The following HSF5 variants were observed in gnomAD, a reference collection of about 807,000 sequenced individuals.
HSF5 encodes the protein heat shock transcription factor 5.
In HSF5, 5 loss-of-function variants were observed where a neutral mutation model predicts 50.8. That is an observed-to-expected ratio of 0.10 (90% confidence interval 0.05 to 0.21). The LOEUF (loss-of-function observed/expected upper bound fraction) is 0.21, where lower values mean the gene tolerates loss of function less well. Ranked by LOEUF, HSF5 falls within the 10% of genes least tolerant of loss-of-function variation. HSF5 has a pLI of 1.00. For missense variants in HSF5, 564 were observed against 762.6 expected (o/e 0.74, Z 3.07); for synonymous variants, 307 against 307.4 (o/e 1.00, Z 0.02).
In HSF5 at chr17:58,463,097, T is replaced by C; in HGVS notation, c.1227A>G (p.Gln409=). The change falls in exon 4 of 6, where the codon CAA becomes CAG. Residue 409 remains glutamine, a synonymous_variant. Transcript: ENST00000323777. ...QCPTSPSYRG[Q]HILANSNNSN... ...TGTTGTTAGAATTAGCTAAAATGTG[T>C]TGGCCTCTGTAAGACGGAGATGTTG... The C allele has an allele frequency of 6.2e-7, 1 of 1,614,228 alleles. No individual in the cohort carries two copies. The highest frequency in any genetic ancestry group is 8.5e-7 in the Non-Finnish European group (1 of 1,180,028).
At chr17:58,477,767 T>C (rs1369089581) in intron 2 of HSF5, among the ~76,000 whole-genome samples, 1 of 152,028 alleles carries the variant, frequency 6.6e-6, no homozygotes, top group Non-Finnish European at 1.5e-5. Context: ...GCCACTCCAT[T>C]CCCTTTTCTA....
intron 5 of HSF5, among the ~76,000 whole-genome samples, chr17:58,422,663 G>A (rs1455024396): frequency 6.7e-6 from 1 of 149,234 alleles, no homozygotes; most frequent in Non-Finnish European, 1.5e-5. Flanking sequence ...CTTTTCAGTA[G>A]TATAGCCAAG....
chr17:58,459,646 C>CAA (rs35302270), intron 4 of HSF5, among the ~76,000 whole-genome samples: 125 of 105,406 alleles, frequency 1.2e-3, no homozygotes, highest in South Asian at 2.5e-3. Context: ...GACTACATCT[C>CAA]AAAAAAAAAA....
chr17:58,480,134 A>G lies in HSF5; in HGVS notation c.684T>C (p.His228=), dbSNP rs796238281. The part of the protein sequence containing the change: ...LKGLDRTPVP[H]RIWQNSLGMH... ...TTCCAAGGGAGTTCTGCCATATTCTATGAGGAACTGGGGTCCGATCTAAAC... is the reference window on the plus strand; with the variant it reads ...TTCCAAGGGAGTTCTGCCATATTCTGTGAGGAACTGGGGTCCGATCTAAAC... The change falls in exon 2 of 6, where the codon CAT becomes CAC. Residue 228 remains histidine, a synonymous_variant. Transcript: ENST00000323777. 2.5e-6 allele frequency: 4 copies of G among 1,614,188 alleles called. No homozygotes were observed. The highest frequency in any genetic ancestry group is 2.2e-5 in the East Asian group (1 of 44,886).
At chr17:58,456,214 A>C (rs1467698442) in intron 5 of HSF5, among the ~76,000 whole-genome samples, 1 of 151,754 alleles carries the variant, frequency 6.6e-6, no homozygotes, top group African/African-American at 2.4e-5. Context: ...TAAATATACA[A>C]TGGAATACTA....
chr17:58,463,395 C>T (rs1974821587), intron 3 of HSF5, 92 bp from the exon 4 acceptor site: 1 of 975,972 alleles, frequency 1.0e-6, no homozygotes, highest in African/African-American at 1.6e-5. Flanking sequence ...GAGTGCTAAA[C>T]ATAAATAGAT....
rs1974808837 is a variant in HSF5, at chr17:58,462,687, A to C, written c.1542+95T>G. The C allele has an allele frequency of 4.0e-6, 5 of 1,248,072 alleles. 1 individual carries two copies. The highest frequency in any genetic ancestry group is 3.0e-5 in the South Asian group (2 of 67,692). 77.3% of individuals were successfully genotyped at this position (1,248,072 alleles called of 1,614,324 possible). A position where few individuals can be genotyped will look rare whatever the true frequency, so the allele number is the denominator to read the frequency against. On this transcript the variant is annotated intron_variant, in intron 4 of 5. Transcript: ENST00000323777. ...ACCATAATGAACTGGTATTAAACCCAAATAAAATCTGAACAAACTCTCCAC... is the reference window on the plus strand; with the variant it reads ...ACCATAATGAACTGGTATTAAACCCCAATAAAATCTGAACAAACTCTCCAC...
At chr17:58,458,119 C>T (rs1974737881) in intron 5 of HSF5, among the ~76,000 whole-genome samples, 1 of 152,150 alleles carries the variant, frequency 6.6e-6, no homozygotes, top group African/African-American at 2.4e-5. Context: ...TTAAAATTGT[C>T]CACTGCAGAC....
At chr17:58,452,248 C>T (rs1244999005) in intron 5 of HSF5, among the ~76,000 whole-genome samples, 1 of 150,054 alleles carries the variant, frequency 6.7e-6, no homozygotes, top group Non-Finnish European at 1.5e-5. Context: ...GACCCTGCCT[C>T]GAAAAACAAA....
intron 5 of HSF5, among the ~76,000 whole-genome samples, chr17:58,444,444 C>A (rs1442929239): frequency 1.3e-5 from 2 of 152,084 alleles, no homozygotes; most frequent in African/African-American, 4.8e-5. Flanking sequence ...AACAAGGGTG[C>A]CAAGCCCACT....
chr17:58,473,649 GAAAAACAACAAATAT>G (rs1974976176), intron 2 of HSF5, among the ~76,000 whole-genome samples: 1 of 151,816 alleles, frequency 6.6e-6, no homozygotes, highest in Non-Finnish European at 1.5e-5. Context: ...CACTTCAAGG[GAAAAACAACAAATAT>G]AAAAAATGAT....
At chr17:58,451,264 T>G (rs1358431533) in intron 5 of HSF5, among the ~76,000 whole-genome samples, 1 of 152,178 alleles carries the variant, frequency 6.6e-6, no homozygotes, top group Non-Finnish European at 1.5e-5. Flanking sequence ...CACCCAGCTT[T>G]CAGCAATGGA....
chr17:58,471,512 C>T (rs913968003), intron 2 of HSF5, among the ~76,000 whole-genome samples: 2 of 152,006 alleles, frequency 1.3e-5, no homozygotes, highest in Non-Finnish European at 2.9e-5. Context: ...CTTTTTTTGC[C>T]CAAGGGCCAA....
At chr17:58,485,473 G>A (rs1277482412) in intron 1 of HSF5, among the ~76,000 whole-genome samples, 2 of 151,658 alleles carry the variant, frequency 1.3e-5, no homozygotes, top group African/African-American at 4.8e-5. Context: ...GCCTGGCGCA[G>A]TGGTGGCTCA....
chr17:58,481,323 C>A (rs1173395362), intron 1 of HSF5, among the ~76,000 whole-genome samples: 1 of 152,064 alleles, frequency 6.6e-6, no homozygotes, highest in Non-Finnish European at 1.5e-5. Context: ...GATTCTGATA[C>A]TTGTCTTCTC....
chr17:58,458,225 G>T (rs1438128959), intron 5 of HSF5, among the ~76,000 whole-genome samples: 1 of 152,170 alleles, frequency 6.6e-6, no homozygotes, highest in Admixed American at 6.5e-5. Flanking sequence ...AGAATCAACT[G>T]TATGTGCCTA....
At chr17:58,432,787 C>T (rs1974381534) in intron 5 of HSF5, among the ~76,000 whole-genome samples, 2 of 152,080 alleles carry the variant, frequency 1.3e-5, no homozygotes, top group African/African-American at 4.8e-5. Flanking sequence ...AGAGCAGAAG[C>T]AGAAAAACCT....
At chr17:58,456,430 T>C (rs1974714381) in intron 5 of HSF5, among the ~76,000 whole-genome samples, 2 of 152,070 alleles carry the variant, frequency 1.3e-5, no homozygotes, top group Non-Finnish European at 2.9e-5. Flanking sequence ...GTGGGGATAT[T>C]GGGAGAAGTT....
chr17:58,437,346 G>C (rs1974440519), intron 5 of HSF5, among the ~76,000 whole-genome samples: 1 of 152,138 alleles, frequency 6.6e-6, no homozygotes, highest in Non-Finnish European at 1.5e-5. Context: ...AAAACACTCT[G>C]AAATTGTTCA....
Sources: allele counts gnomAD v4.1 joint callset (sites outside exome capture counted in the v4.1 genomes callset), GRCh38; gene constraint gnomAD v4.1.1; transcripts MANE v1.5; gene names NCBI Gene and HGNC (gene_info 2026-07-23, HGNC 2026-07-21).